Variants in ABLIM3 observed in about 807,000 individuals in gnomAD.
ABLIM3 encodes the protein actin binding LIM protein family member 3.
ABLIM3 carries 61 observed loss-of-function variants against 109.5 expected under a neutral mutation model. The ratio of observed to expected loss-of-function variants is 0.56; its 90% CI spans 0.45 to 0.69. The LOEUF (loss-of-function observed/expected upper bound fraction) is 0.69. Among genes scored for constraint, ABLIM3 ranks in the 30% least tolerant of loss-of-function variants. The pLI is 0.00. For missense variants in ABLIM3, 796 were observed against 889.5 expected (o/e 0.89, Z 1.34); for synonymous variants, 300 against 324.8 (o/e 0.92, Z 0.82).
intron 2 of ABLIM3, among the ~76,000 whole-genome samples, chr5:149,175,051 G>T (rs1755799246): frequency 6.6e-6 from 1 of 152,184 alleles, no homozygotes; most frequent in Non-Finnish European, 1.5e-5. Flanking sequence ...AACTGACTCA[G>T]CAGTGACAAG....
intron 2 of ABLIM3, among the ~76,000 whole-genome samples, chr5:149,142,420 C>G (rs1429530538): frequency 6.6e-6 from 1 of 152,198 alleles, no homozygotes; most frequent in Non-Finnish European, 1.5e-5. Context: ...ACTGTGGGGG[C>G]TCTGAGGAGA....
At chr5:149,203,625 A>G (rs1758691196) in intron 5 of ABLIM3, among the ~76,000 whole-genome samples, 3 of 151,888 alleles carry the variant, frequency 2.0e-5, no homozygotes, top group Admixed American at 2.0e-4. Flanking sequence ...CACAATCACC[A>G]CCACCTTCGC....
At chr5:149,175,009 TACTG>T (rs1755794334) in intron 2 of ABLIM3, among the ~76,000 whole-genome samples, 1 of 152,206 alleles carries the variant, frequency 6.6e-6, no homozygotes, top group Non-Finnish European at 1.5e-5. Flanking sequence ...TCCTCTGTGT[TACTG>T]ACTGGGGGCT....
intron 15 of ABLIM3, 138 bp from the exon 16 acceptor site, chr5:149,244,743 C>A: frequency 1.8e-6 from 2 of 1,089,676 alleles, no homozygotes; most frequent in Non-Finnish European, 1.4e-6. Context: ...TGCTCCATGG[C>A]CCAGTTCTAA....
At chr5:149,176,591 C>T (rs539428632) in intron 2 of ABLIM3, among the ~76,000 whole-genome samples, 2 of 152,054 alleles carry the variant, frequency 1.3e-5, no homozygotes, top group African/African-American at 4.8e-5. Flanking sequence ...GTTTCATTCT[C>T]CTGTAAAATG....
At chr5:149,242,271 T>C (rs2127561485) in intron 14 of ABLIM3, among the ~76,000 whole-genome samples, 1 of 152,270 alleles carries the variant, frequency 6.6e-6, no homozygotes, top group East Asian at 1.9e-4. Flanking sequence ...GATCCATCCA[T>C]TCCTCTTCCC....
chr5:149,196,340 G>T (rs1024652513), intron 3 of ABLIM3, among the ~76,000 whole-genome samples: 1 of 152,156 alleles, frequency 6.6e-6, no homozygotes, highest in Non-Finnish European at 1.5e-5. Context: ...TATTTGCTGG[G>T]GTGTTTTCAC....
At chr5:149,179,878 T>A (rs994776013) in intron 2 of ABLIM3, among the ~76,000 whole-genome samples, 1 of 152,238 alleles carries the variant, frequency 6.6e-6, no homozygotes, top group African/African-American at 2.4e-5. Context: ...TTGGACAGCA[T>A]AGATGTCTAG....
chr5:149,192,976 T>C (rs1757636681), intron 3 of ABLIM3, among the ~76,000 whole-genome samples: 1 of 152,094 alleles, frequency 6.6e-6, no homozygotes, highest in Non-Finnish European at 1.5e-5. Flanking sequence ...CTTTAATAAA[T>C]ACATTGCAAG....
intron 3 of ABLIM3, among the ~76,000 whole-genome samples, chr5:149,195,281 T>C (rs79956207): frequency 0.017 from 2,584 of 152,342 alleles, 102 homozygotes; most frequent in East Asian, 0.15. Context: ...TGACGCATTC[T>C]GGGGCTGTGT....
chr5:149,160,808 A>T (rs1228240857), intron 2 of ABLIM3, among the ~76,000 whole-genome samples: 1 of 152,238 alleles, frequency 6.6e-6, no homozygotes, highest in East Asian at 1.9e-4. Flanking sequence ...GTGCACCTCC[A>T]GGCTGGGAAG....
At chr5:149,242,218 T>C (rs1291455450) in intron 14 of ABLIM3, among the ~76,000 whole-genome samples, 1 of 152,102 alleles carries the variant, frequency 6.6e-6, no homozygotes, top group Non-Finnish European at 1.5e-5. Flanking sequence ...TGTGCCTGCA[T>C]GCTCACCCTT....
At chr5:149,227,417 A>G (rs536037508) in intron 8 of ABLIM3, among the ~76,000 whole-genome samples, 1 of 152,356 alleles carries the variant, frequency 6.6e-6, no homozygotes, top group African/African-American at 2.4e-5. Context: ...TGGAACCAGG[A>G]GTTGAACAAG....
At chr5:149,248,006 C>T in intron 18 of ABLIM3, 77 bp downstream of exon 18, 3 of 1,520,258 alleles carry the variant, frequency 2.0e-6, no homozygotes. Flanking sequence ...GCTGTTTGCT[C>T]TGAGCCAGGC....
intron 7 of ABLIM3, among the ~76,000 whole-genome samples, chr5:149,211,515 T>C (rs2127517520): frequency 6.6e-6 from 1 of 152,340 alleles, no homozygotes; most frequent in East Asian, 1.9e-4. Flanking sequence ...ACAGGAATAA[T>C]TGAGTTCTAG....
At chr5:149,151,522 C>T (rs894117743) in intron 2 of ABLIM3, among the ~76,000 whole-genome samples, 1 of 152,212 alleles carries the variant, frequency 6.6e-6, no homozygotes, top group Non-Finnish European at 1.5e-5. Flanking sequence ...GAGATGCTAA[C>T]AGTTGGTTAC....
intron 17 of ABLIM3, among the ~76,000 whole-genome samples, chr5:149,246,851 C>T (rs1753416438): frequency 6.6e-6 from 1 of 152,226 alleles, no homozygotes; most frequent in African/African-American, 2.4e-5. Context: ...TTGTTCATTG[C>T]TGGTGAAACC....
At chr5:149,147,293 A>G (rs1753023670) in intron 2 of ABLIM3, among the ~76,000 whole-genome samples, 1 of 152,156 alleles carries the variant, frequency 6.6e-6, no homozygotes, top group African/African-American at 2.4e-5. Flanking sequence ...GGATTTTAGC[A>G]AAAGCTTTTT....
At chr5:149,200,460 A>C in intron 5 of ABLIM3, 32 bp downstream of exon 5, 1 of 1,598,672 alleles carries the variant, frequency 6.3e-7, no homozygotes, top group Non-Finnish European at 8.6e-7. Flanking sequence ...CTCCCTGTCC[A>C]TGGGTGTGAT....
Sources: gnomAD v4.1 joint callset for allele counts (sites outside exome capture counted in the v4.1 genomes callset) on GRCh38, gnomAD v4.1.1 for gene constraint, MANE v1.5 for transcripts, NCBI Gene and HGNC (gene_info 2026-07-23, HGNC 2026-07-21) for gene names.